ARHGEF16: variants seen among roughly 807,000 people sequenced by gnomAD.
The protein encoded by ARHGEF16 is Rho guanine exchange factor (GEF) 16.
Under a neutral mutation model 74.1 loss-of-function variants are expected in ARHGEF16, and 59 were observed. The ratio of observed to expected loss-of-function variants is 0.80; its 90% CI spans 0.65 to 0.99. ARHGEF16 has a LOEUF of 0.99. ARHGEF16 is among the 50% of genes least tolerant of loss of function. The pLI is 0.00. For synonymous variants in ARHGEF16, 415 were observed against 412.6 expected (o/e 1.01, Z -0.07); for missense variants, 948 against 986.6 (o/e 0.96, Z 0.52).
In ARHGEF16 at chr1:3,478,597, T is replaced by C; in HGVS notation, c.1799T>C (p.Leu600Pro). ...NSEGRQEQLL[L>P]SSDSASDRAR... ...GAGGGCCGCCAGGAGCAGCTCCTGCTCTCCTCGGACTCCGCGTAAGTGGGC... is the reference window on the plus strand; with the variant it reads ...GAGGGCCGCCAGGAGCAGCTCCTGCCCTCCTCGGACTCCGCGTAAGTGGGC... Residue 600 changes from leucine to proline, a missense_variant, in exon 12 of 15, where the codon CTC becomes CCC. Physicochemically the swap from Leu to Pro is moderately conservative, Grantham distance 98. Coordinates refer to ENST00000378378, the MANE Select transcript of ARHGEF16 (RefSeq NM_014448.4). 7.4e-6 allele frequency: 12 copies of C among 1,611,002 alleles called. No individual in the cohort carries two copies. Among genetic ancestry groups the C allele is most frequent in the Non-Finnish European group, 1.0e-5 (12 of 1,178,976 alleles).
chr1:3,469,044 C>A, intron 5 of ARHGEF16, 108 bp downstream of exon 5: 2 of 1,342,562 alleles, frequency 1.5e-6, no homozygotes, highest in Non-Finnish European at 2.1e-6. Context: ...TCTGCGGCCA[C>A]CTCCAGTGCC....
chr1:3,479,477 T>G, intron 12 of ARHGEF16, 40 bp from the exon 13 acceptor site: 1 of 1,606,566 alleles, frequency 6.2e-7, no homozygotes, highest in East Asian at 2.2e-5. Flanking sequence ...ACGGGCAGGA[T>G]CGGTCTCCAG....
At chr1:3,472,916 T>C in intron 6 of ARHGEF16, 162 bp from the exon 7 acceptor site, 4 of 159,458 alleles carry the variant, frequency 2.5e-5, no homozygotes, top group South Asian at 8.9e-5. Flanking sequence ...CAGGTCCGGG[T>C]CCCGCCCCAA....
intron 1 of ARHGEF16, among the ~76,000 whole-genome samples, chr1:3,459,999 TAA>T (rs1379549460): frequency 6.6e-6 from 1 of 152,264 alleles, no homozygotes; most frequent in East Asian, 1.9e-4. Context: ...GTTTTCATGC[TAA>T]GTCTTTGGTG....
chr1:3,460,874 T>C (rs1465748380), intron 1 of ARHGEF16, among the ~76,000 whole-genome samples: 1 of 152,134 alleles, frequency 6.6e-6, no homozygotes, highest in Admixed American at 6.5e-5. Context: ...CGCACGTGCC[T>C]TCCTGGGATG....
rs1639963893 is a variant in ARHGEF16, at chr1:3,478,596, C to G, written c.1798C>G (p.Leu600Val). The change falls in exon 12 of 15, where the codon CTC (leucine) becomes GTC (valine). Residue 600 changes from leucine (L) to valine (V), a missense_variant. Leu to Val is a conservative substitution (Grantham distance 32). Transcript: ENST00000378378. ...CGAGGGCCGCCAGGAGCAGCTCCTG[C>G]TCTCCTCGGACTCCGCGTAAGTGGG... The part of the protein sequence containing the change: ...NSEGRQEQLL[L>V]SSDSASDRAR... The G allele has an allele frequency of 6.2e-7, 1 of 1,610,882 alleles. No individual in the cohort carries two copies. The highest frequency in any genetic ancestry group is 1.3e-5 in the African/African-American group (1 of 74,916).
At position 3,480,662 on chromosome 1, in the gene ARHGEF16, T is replaced by C; in HGVS notation, c.*75T>C. On this transcript the variant is annotated 3_prime_UTR_variant, in exon 15 of 15. Transcript: ENST00000378378. The stretch of plus-strand genomic sequence containing the variant: ...TGGTCGTGCCTGGCTCTAGAGAGCG[T>C]GGGGAGCTGGTCTCAAGGACCCAGC... 11 of 1,541,350 alleles carry C rather than the reference T, an allele frequency of 7.1e-6. No individual in the cohort carries two copies. The Admixed American group carries it at 2.0e-4, about 28-fold the overall frequency.
intron 1 of ARHGEF16, among the ~76,000 whole-genome samples, chr1:3,462,182 C>T (rs372536002): frequency 2.0e-5 from 3 of 152,076 alleles, no homozygotes; most frequent in African/African-American, 7.2e-5. Context: ...GGGGGGTGTA[C>T]GTGGGACTGT....
chr1:3,467,429 C>A lies in ARHGEF16; in HGVS notation c.804+92C>A, dbSNP rs116539894. 3 of 1,395,526 alleles carry A rather than the reference C, an allele frequency of 2.1e-6. No homozygotes were observed. In the African/African-American group the frequency reaches 4.3e-5, roughly 20 times the overall value. The allele number at this position is 1,395,526 out of a possible 1,614,324, so 86.4% of individuals were successfully genotyped here. A position where few individuals can be genotyped will look rare whatever the true frequency, so the allele number is the denominator to read the frequency against. ...CCTTCCCCAAGCCCAGGCGGCTGGT[C>A]CCCAGCAGCAGCCCAGTCCTCCCAG... On this transcript the variant is annotated intron_variant, in intron 4 of 14. Transcript: ENST00000378378.
At chr1:3,460,619 G>C (rs937412671) in intron 1 of ARHGEF16, among the ~76,000 whole-genome samples, 29 of 152,316 alleles carry the variant, frequency 1.9e-4, no homozygotes, top group Admixed American at 1.8e-3. Flanking sequence ...TTGGCGTGTA[G>C]ACAGAAGCCT....
intron 14 of ARHGEF16, 75 bp downstream of exon 14, chr1:3,479,988 G>A: frequency 3.4e-6 from 5 of 1,455,644 alleles, no homozygotes; most frequent in Non-Finnish European, 4.8e-6. Context: ...GCCTGGCCAG[G>A]TCCAGAGCAT....
Position 3,473,532 on chromosome 1 carries a change from C to G in ARHGEF16, c.1305+10C>G. The G allele has an allele frequency of 6.2e-7, 1 of 1,605,430 alleles. No homozygotes were observed. On this transcript the variant is annotated intron_variant, in intron 8 of 14. Transcript: ENST00000378378. ...GCCCCTCCTGATGGATGTAAGTCCA[C>G]GGCCTGAGGGTGGGGCCGGGCATAC...
Position 3,463,547 on chromosome 1 carries a change from C to A in ARHGEF16, c.463C>A (p.Arg155=). Residue 155 remains arginine, a synonymous_variant, in exon 2 of 15, where the codon CGG becomes AGG. Transcript: ENST00000378378. ...GCGGAACCTGCGGAACCAATCCTAC[C>A]GGGCGGCCATGAAGGGCCTGGGGAA... The part of the protein sequence containing the change: ...LRRNLRNQSY[R]AAMKGLGKPG... The A allele has an allele frequency of 6.8e-7, 1 of 1,461,794 alleles. No individual in the cohort carries two copies. Among genetic ancestry groups the A allele is most frequent in the African/African-American group, 1.4e-5 (1 of 70,244 alleles). 90.6% of individuals were successfully genotyped at this position (1,461,794 alleles called of 1,614,324 possible).
chr1:3,473,323 G>A, intron 7 of ARHGEF16, 70 bp from the exon 8 acceptor site: 1 of 1,577,858 alleles, frequency 6.3e-7, no homozygotes, highest in Non-Finnish European at 8.6e-7. Context: ...CCCAGCTTCT[G>A]CAGGTCCTGC....
chr1:3,467,924 G>T (rs908829374), intron 4 of ARHGEF16, among the ~76,000 whole-genome samples: 5 of 152,114 alleles, frequency 3.3e-5, no homozygotes, highest in Non-Finnish European at 5.9e-5. Context: ...CGGGGAGGGC[G>T]GGCCCCCACC....
intron 1 of ARHGEF16, among the ~76,000 whole-genome samples, chr1:3,458,123 G>T (rs1196302913): frequency 6.6e-6 from 1 of 152,226 alleles, no homozygotes; most frequent in Non-Finnish European, 1.5e-5. Flanking sequence ...CAGAGCACGT[G>T]CCGAGGCAGG....
intron 9 of ARHGEF16, 124 bp from the exon 10 acceptor site, chr1:3,475,846 C>A: frequency 1.1e-6 from 1 of 897,926 alleles, no homozygotes; most frequent in South Asian, 1.8e-5. Context: ...CACGGCTGGT[C>A]CAGGGCAGGC....
chr1:3,472,289 C>T (rs1308503418), intron 6 of ARHGEF16, among the ~76,000 whole-genome samples: 2 of 152,242 alleles, frequency 1.3e-5, no homozygotes, highest in Non-Finnish European at 2.9e-5. Context: ...TGGCCGTGGC[C>T]GCCCATGGGG....
intron 2 of ARHGEF16, 187 bp from the exon 3 acceptor site, chr1:3,465,961 G>T (rs1393868223): frequency 1.6e-6 from 1 of 634,166 alleles, no homozygotes; most frequent in Non-Finnish European, 2.8e-6. Context: ...TGTCCTGCCT[G>T]CTCTGAGCCC....
Sources: allele counts gnomAD v4.1 joint callset (sites outside exome capture counted in the v4.1 genomes callset), GRCh38; gene constraint gnomAD v4.1.1; transcripts MANE v1.5; gene names NCBI Gene and HGNC (gene_info 2026-07-23, HGNC 2026-07-21).